Variants in ITGB4 observed in about 807,000 individuals in gnomAD.
The protein encoded by ITGB4 is integrin beta-4.
ITGB4 carries 159 observed loss-of-function variants against 207.6 expected under a neutral mutation model. The observed-to-expected ratio is 0.77, with a 90% CI of 0.67 to 0.87. ITGB4 has a LOEUF of 0.87. Ranked by LOEUF, ITGB4 falls within the 40% of genes least tolerant of loss-of-function variation. The pLI is 0.00. For synonymous variants in ITGB4, 1,020 were observed against 1,062.7 expected (o/e 0.96, Z 0.78); for missense variants, 2,278 against 2,546.8 (o/e 0.89, Z 2.27).
chr17:75,756,976 GC>G lies in ITGB4; in HGVS notation c.5091del (p.Glu1698ArgfsTer4), dbSNP rs1157557804. The G allele has an allele frequency of 5.6e-6, 9 of 1,612,762 alleles. No homozygotes were observed. Among genetic ancestry groups the G allele is most frequent in the Non-Finnish European group, 7.6e-6 (9 of 1,179,952 alleles). On this transcript the variant is annotated frameshift_variant, in exon 38 of 40. Transcript: ENST00000200181. LOFTEE classifies it high-confidence loss of function. Reference sequence around the variant, plus strand: ...ACCGCATTCCGGGTGGATGGAGACAGCCCCGAGAGCCGGCTGACCGTGCCGG... The same window carrying G: ...ACCGCATTCCGGGTGGATGGAGACAGCCCGAGAGCCGGCTGACCGTGCCGG... Reference protein sequence around the residue: ...PATAFRVDGDSPESRLTVPGL... With the variant: ...PATAFRVDGDXPESRLTVPGL...
chr17:75,742,698 G>T lies in ITGB4; in HGVS notation c.2899G>T (p.Val967Leu), dbSNP rs375792088. ...GCAGCTGCTGGTGGAGGCCATCGAC[G>T]TGCCCGCAGGCACTGCCACCCTCGG... ...EKQLLVEAID[V>L]PAGTATLGRR... The change falls in exon 25 of 40, where the codon GTG (valine) becomes TTG (leucine). Residue 967 changes from valine to leucine, a missense_variant. Physicochemically the swap from Val to Leu is conservative, Grantham distance 32 (BLOSUM62 1). Transcript: ENST00000200181. This position sits in a 1 kb window ranked among gnomAD's most constrained non-coding sequence, Gnocchi z 5.9. 3.1e-6 allele frequency: 5 copies of T among 1,613,762 alleles called. No individual in the cohort carries two copies. The highest frequency in any genetic ancestry group is 2.7e-5 in the African/African-American group (2 of 75,036).
intron 23 of ITGB4, among the ~76,000 whole-genome samples, chr17:75,741,769 G>A (rs2061115332): frequency 6.6e-6 from 1 of 151,214 alleles, no homozygotes; most frequent in Admixed American, 6.6e-5. Context: ...TTGCGCCACT[G>A]CACTCCAGCC....
In ITGB4 at chr17:75,737,458, G is replaced by T; in HGVS notation, c.2113+14G>T. Reference sequence around the variant, plus strand: ...ACAAGAAGAAGGGTGAGCTGGTGGGGCCGGGCGCAGGGAGGGGGCGTGTGG... The same window carrying T: ...ACAAGAAGAAGGGTGAGCTGGTGGGTCCGGGCGCAGGGAGGGGGCGTGTGG... On this transcript the variant is annotated intron_variant, in intron 17 of 39. Transcript: ENST00000200181. The T allele has an allele frequency of 6.4e-7, 1 of 1,553,158 alleles. No homozygotes were observed.
rs546825323 is a variant in ITGB4, at chr17:75,731,940, G to A, written c.1344G>A (p.Ala448=). 1.5e-5 allele frequency: 25 copies of A among 1,614,058 alleles called. No homozygotes were observed. The East Asian group carries it at 2.9e-4, about 19-fold the overall frequency. ...TCTCCGACGGCCTCAAGATGGACGC[G>A]GGCATCATCTGTGATGTGTGCACCT... The part of the protein sequence containing the change: ...PSFSDGLKMD[A]GIICDVCTCE... Residue 448 remains alanine (A), a synonymous_variant, in exon 11 of 40, where the codon GCG becomes GCA. Transcript: ENST00000200181. This position sits in a 1 kb window ranked among gnomAD's most constrained non-coding sequence, Gnocchi z 6.8.
At position 75,756,585 on chromosome 17, in the gene ITGB4, T is replaced by C; in HGVS notation, c.4865T>C (p.Val1622Ala). The stretch of plus-strand genomic sequence containing the variant: ...GGTGTCATCACCATTGAATCCCAGG[T>C]GCACCCGCAGAGCCCACTGTGTCCC... ...REGVITIESQ[V>A]HPQSPLCPLP... The change falls in exon 36 of 40, where the codon GTG becomes GCG. Residue 1622 changes from valine to alanine, a missense_variant. By Grantham distance (64) the Val-to-Ala change is moderately conservative. Transcript: ENST00000200181. The C allele has an allele frequency of 6.2e-7, 1 of 1,612,822 alleles. No individual in the cohort carries two copies. Among genetic ancestry groups the C allele is most frequent in the South Asian group, 1.1e-5 (1 of 91,080 alleles).
chr17:75,748,894 AG>A lies in ITGB4; in HGVS notation c.3166del (p.Glu1056SerfsTer4). The A allele has an allele frequency of 6.2e-7, 1 of 1,612,912 alleles. No individual in the cohort carries two copies. The highest frequency in any genetic ancestry group is 8.5e-7 in the Non-Finnish European group (1 of 1,179,640). ...TGTTCCAGCCTGGGGAGGCCTGGAA[AG>A]AGCTGCAGGTGAAGCTCCTGGAGCT... is the stretch of plus-strand genomic sequence containing the variant. ...LLFQPGEAWK[E>X]LQVKLLELQE... On this transcript the variant is annotated frameshift_variant, in exon 27 of 40. Transcript: ENST00000200181. LOFTEE classifies it high-confidence loss of function.
rs1043539767 is a variant in ITGB4 at position 75,752,230 on chromosome 17, C to T, written c.3850C>T (p.Leu1284Phe). Residue 1284 changes from leucine to phenylalanine, a missense_variant, in exon 31 of 40, where the codon CTT becomes TTT. Coordinates refer to ENST00000200181, the MANE Select transcript of ITGB4 (RefSeq NM_000213.5). The part of the protein sequence containing the change: ...LVDNPKNRML[L>F]IENLRESQPY... ...TGACAACCCTAAGAACCGGATGCTG[C>T]TTATTGAGAACCTTCGGGAGTCCCA... is the stretch of plus-strand genomic sequence containing the variant. The T allele has an allele frequency of 1.2e-6, 2 of 1,613,912 alleles. No individual in the cohort carries two copies. Among genetic ancestry groups the T allele is most frequent in the Non-Finnish European group, 1.7e-6 (2 of 1,180,038 alleles).
intron 27 of ITGB4, among the ~76,000 whole-genome samples, chr17:75,749,480 A>G (rs1194270344): frequency 2.0e-5 from 3 of 152,206 alleles, no homozygotes; most frequent in Non-Finnish European, 4.4e-5. Flanking sequence ...GCAAGCTGTG[A>G]TCGCACCACT....
chr17:75,741,080 C>T (rs775890283), intron 23 of ITGB4, 75 bp downstream of exon 23: 45 of 1,517,662 alleles, frequency 3.0e-5, no homozygotes, highest in Admixed American at 5.2e-5. Context: ...CTGCCTCGTC[C>T]GTCCCTACTC....
At chr17:75,745,886 G>C (rs929747749) in intron 26 of ITGB4, among the ~76,000 whole-genome samples, 1 of 149,080 alleles carries the variant, frequency 6.7e-6, no homozygotes, top group East Asian at 2.0e-4. Flanking sequence ...CTCGAAAAAA[G>C]AAAAAAAAAA....
chr17:75,747,560 GT>G (rs987220697), intron 26 of ITGB4, among the ~76,000 whole-genome samples: 14 of 152,234 alleles, frequency 9.2e-5, no homozygotes, highest in Non-Finnish European at 1.3e-4. Flanking sequence ...CCTTTATAGC[GT>G]TTTTCCCCCC....
chr17:75,727,582 G>A lies in ITGB4; in HGVS notation c.265-69G>A. 1 of 1,583,262 alleles carries A rather than the reference G, an allele frequency of 6.3e-7. No individual in the cohort carries two copies. The highest frequency in any genetic ancestry group is 1.8e-5 in the Admixed American group (1 of 55,230). On this transcript the variant is annotated intron_variant, in intron 4 of 39. Coordinates refer to ENST00000200181, the MANE Select transcript of ITGB4 (RefSeq NM_000213.5). The surrounding 1 kb of genome is among the most constrained non-coding windows in gnomAD (Gnocchi z 6.0). Reference sequence around the variant, plus strand: ...TTATGGGGGTGTATAGTGCCCCTTGGCCGGGCTGGGCCCCCATCGGGCCTC... The same window carrying A: ...TTATGGGGGTGTATAGTGCCCCTTGACCGGGCTGGGCCCCCATCGGGCCTC...
At chr17:75,749,972 AG>A in intron 27 of ITGB4, 138 bp from the exon 28 acceptor site, 1 of 1,051,758 alleles carries the variant, frequency 9.5e-7, no homozygotes, top group Non-Finnish European at 1.5e-6. Flanking sequence ...GGGCACCACC[AG>A]GTCTCCAGAG....
Position 75,742,561 on chromosome 17 carries a change from C to A in ITGB4, c.2783-21C>A. 1 of 1,613,740 alleles carries A rather than the reference C, an allele frequency of 6.2e-7. No homozygotes were observed. Among genetic ancestry groups the A allele is most frequent in the East Asian group, 2.2e-5 (1 of 44,876 alleles). ...TGTGGCCCTGTGACCCACCTCTGAC[C>A]ACCTCCGAACCCCCACCCAGACGCC... is the stretch of plus-strand genomic sequence containing the variant. On this transcript the variant is annotated intron_variant, in intron 24 of 39. Transcript: ENST00000200181. The surrounding 1 kb of genome is among the most constrained non-coding windows in gnomAD (Gnocchi z 5.9).
At chr17:75,725,258 T>C (rs1011951793) in intron 2 of ITGB4, among the ~76,000 whole-genome samples, 2 of 152,278 alleles carry the variant, frequency 1.3e-5, no homozygotes, top group African/African-American at 2.4e-5. Flanking sequence ...ACCACAGAAA[T>C]TGGCAAACGC....
At chr17:75,741,103 A>T (rs2061099929) in intron 23 of ITGB4, 98 bp downstream of exon 23, 3 of 1,358,952 alleles carry the variant, frequency 2.2e-6, no homozygotes, top group Non-Finnish European at 2.1e-6. Context: ...TCTCCATCCC[A>T]TAGGAAGGGA....
rs2060849949 is a variant in ITGB4 at position 75,731,258 on chromosome 17, A to G, written c.1105A>G (p.Asn369Asp). ...CTTCCTCCTTTAGCGGATCCGCTCCAACCTGGACATCCGGGCCCTAGACAG... is the reference window on the plus strand; with the variant it reads ...CTTCCTCCTTTAGCGGATCCGCTCCGACCTGGACATCCGGGCCCTAGACAG... ...LEEAFNRIRS[N>D]LDIRALDSPR... The change falls in exon 10 of 40, where the codon AAC (asparagine) becomes GAC (aspartate). Residue 369 changes from asparagine to aspartate, a missense_variant. By Grantham distance (23) the Asn-to-Asp change is conservative. Transcript: ENST00000200181. This position sits in a 1 kb window ranked among gnomAD's most constrained non-coding sequence, Gnocchi z 6.8. 1.2e-6 allele frequency: 2 copies of G among 1,613,298 alleles called. No individual in the cohort carries two copies.
Position 75,740,773 on chromosome 17 carries a change from G to C in ITGB4, c.2551-20G>C, listed in dbSNP as rs1461939805. The C allele has an allele frequency of 6.2e-7, 1 of 1,612,380 alleles. No individual in the cohort carries two copies. Among genetic ancestry groups the C allele is most frequent in the Admixed American group, 1.7e-5 (1 of 60,026 alleles). ...CGGGGTGGCCTAGGCCCAGCCTCAC[G>C]CCCCTCCCTTGCCTGGCAGCTGAAC... On this transcript the variant is annotated intron_variant, in intron 21 of 39. Transcript: ENST00000200181. The surrounding 1 kb of genome is among the most constrained non-coding windows in gnomAD (Gnocchi z 5.9).
In ITGB4 at chr17:75,750,346, A is replaced by T. The variant is rs820389; in HGVS notation, c.3474+78A>T. 1.4e-6 allele frequency: 2 copies of T among 1,467,408 alleles called. No individual in the cohort carries two copies. The highest frequency in any genetic ancestry group is 1.8e-6 in the Non-Finnish European group (2 of 1,084,986). The allele number at this position is 1,467,408 out of a possible 1,614,324, so 90.9% of individuals were successfully genotyped here. A position where few individuals can be genotyped will look rare whatever the true frequency, so the allele number is the denominator to read the frequency against. On this transcript the variant is annotated intron_variant, in intron 28 of 39. Coordinates refer to ENST00000200181, the MANE Select transcript of ITGB4 (RefSeq NM_000213.5). This position sits in a 1 kb window ranked among gnomAD's most constrained non-coding sequence, Gnocchi z 5.5. ...CACTCACAGAAGAGGTGGGCCGTCC[A>T]AGGCCAGGGCCCCCTGAGAGAGAGC...
Sources: allele counts gnomAD v4.1 joint callset (sites outside exome capture counted in the v4.1 genomes callset), GRCh38; gene constraint gnomAD v4.1.1; non-coding constraint Gnocchi (gnomAD v3.1); transcripts MANE v1.5; gene names NCBI Gene and HGNC (gene_info 2026-07-23, HGNC 2026-07-21).